The following ITSN1 variants were observed in gnomAD, a reference collection of about 807,000 sequenced individuals.
The protein encoded by ITSN1 is intersectin 1.
ITSN1 carries 58 observed loss-of-function variants against 239.8 expected under a neutral mutation model. The observed-to-expected ratio is 0.24, with a 90% CI of 0.20 to 0.30. The LOEUF is 0.30. Among genes scored for constraint, ITSN1 ranks in the 10% least tolerant of loss-of-function variants. ITSN1 has a pLI of 1.00. For synonymous variants in ITSN1, 780 were observed against 770.8 expected, an observed-to-expected ratio of 1.01 and a Z score of -0.20; for missense variants, 1,558 against 2,103.3, an observed-to-expected ratio of 0.74 and a Z score of 5.07.
At chr21:33,781,434 A>T (rs757346262) in intron 14 of ITSN1, 27 bp from the exon 15 acceptor site, 1 of 1,285,010 alleles carries the variant, frequency 7.8e-7, no homozygotes, top group South Asian at 1.2e-5. Context: ...CCTGTCATTC[A>T]TTACTATTTT....
chr21:33,779,810 C>T (rs1481419630), intron 14 of ITSN1, among the ~76,000 whole-genome samples: 1 of 152,156 alleles, frequency 6.6e-6, no homozygotes, highest in Admixed American at 6.5e-5. Context: ...TTACAAAATG[C>T]ATGCACCTTT....
intron 34 of ITSN1, among the ~76,000 whole-genome samples, chr21:33,877,557 T>C (rs900411197): frequency 1.3e-5 from 2 of 152,140 alleles, no homozygotes; most frequent in Non-Finnish European, 2.9e-5. Flanking sequence ...AACAGAAATG[T>C]TTTATTGCTC....
chr21:33,834,867 T>C (rs1352892114), intron 28 of ITSN1, among the ~76,000 whole-genome samples: 1 of 152,074 alleles, frequency 6.6e-6, no homozygotes, highest in Non-Finnish European at 1.5e-5. Flanking sequence ...AAGACCAAAA[T>C]AGCTCCCCTG....
intron 22 of ITSN1, chr21:33,817,587 C>T: frequency 7.7e-7 from 1 of 1,299,402 alleles, no homozygotes; most frequent in Non-Finnish European, 1.0e-6. Context: ...TGTGAATTAC[C>T]TGCTAGTAAT....
Position 33,882,592 on chromosome 21 carries a change from A to C in ITSN1, c.4554+137A>C. 1.4e-6 allele frequency: 1 copy of C among 697,520 alleles called. No homozygotes were observed. The highest frequency in any genetic ancestry group is 1.9e-5 in the South Asian group (1 of 53,516). 43.2% of individuals were successfully genotyped at this position (697,520 alleles called of 1,614,324 possible). On this transcript the variant is annotated intron_variant, in intron 35 of 39. Coordinates refer to ENST00000381318, the MANE Select transcript of ITSN1 (RefSeq NM_003024.3). This position sits in a 1 kb window ranked among gnomAD's most constrained non-coding sequence, Gnocchi z 4.5. ...AAGGCCAGGAGTTGAAATGCGATTTAGGGTGTCCGGAGTGGAGGACGATCC... is the reference window on the plus strand; with the variant it reads ...AAGGCCAGGAGTTGAAATGCGATTTCGGGTGTCCGGAGTGGAGGACGATCC...
rs958098637 is a variant in ITSN1, at chr21:33,889,822, T to C, written c.*1522T>C. 1 of 152,168 alleles carries C rather than the reference T, an allele frequency of 6.6e-6. No homozygotes were observed. The highest frequency in any genetic ancestry group is 1.5e-5 in the Non-Finnish European group (1 of 68,028). 9.4% of individuals were successfully genotyped at this position (152,168 alleles called of 1,614,324 possible). A position where few individuals can be genotyped will look rare whatever the true frequency, so the allele number is the denominator to read the frequency against. The stretch of plus-strand genomic sequence containing the variant: ...CCTCCTTTGCTGGGAACTGAATGTG[T>C]AGTGTTATCATTTCCCATGAGAGCC... On this transcript the variant is annotated 3_prime_UTR_variant, in exon 40 of 40. Transcript: ENST00000381318.
chr21:33,787,084 C>T (rs970775085), intron 16 of ITSN1, among the ~76,000 whole-genome samples: 3 of 152,124 alleles, frequency 2.0e-5, no homozygotes, highest in African/African-American at 4.8e-5. Flanking sequence ...TATTATTAAT[C>T]GTGGAGTATG....
chr21:33,834,559 C>CA (rs1288369729), intron 28 of ITSN1, 135 bp downstream of exon 28: 3 of 673,532 alleles, frequency 4.5e-6, no homozygotes, highest in Non-Finnish European at 8.0e-6. Flanking sequence ...CTGGGACTGA[C>CA]ACCCAACTAA....
chr21:33,691,424 A>T (rs964726050), intron 1 of ITSN1, among the ~76,000 whole-genome samples: 1 of 152,194 alleles, frequency 6.6e-6, no homozygotes, highest in Non-Finnish European at 1.5e-5. Context: ...AATTACTCTG[A>T]TGCTTGTTAA....
At chr21:33,852,997 A>G (rs1169074559) in intron 29 of ITSN1, among the ~76,000 whole-genome samples, 2 of 152,226 alleles carry the variant, frequency 1.3e-5, no homozygotes, top group Non-Finnish European at 2.9e-5. Flanking sequence ...TTTCAAAGGA[A>G]GAATATTTTT....
At chr21:33,736,547 G>A (rs2066516873) in intron 5 of ITSN1, among the ~76,000 whole-genome samples, 1 of 152,232 alleles carries the variant, frequency 6.6e-6, no homozygotes, top group Non-Finnish European at 1.5e-5. Flanking sequence ...GCCTCCACAT[G>A]ACTGGGGCCG....
chr21:33,740,398 A>G (rs2066771708), intron 5 of ITSN1, among the ~76,000 whole-genome samples: 1 of 152,236 alleles, frequency 6.6e-6, no homozygotes, highest in Non-Finnish European at 1.5e-5. Flanking sequence ...CCAGAAACTG[A>G]GGCTGACAAA....
At position 33,767,765 on chromosome 21, in the gene ITSN1, C is replaced by G. The variant is rs1412126844; in HGVS notation, c.979C>G (p.Gln327Glu). The G allele has an allele frequency of 1.2e-6, 2 of 1,613,170 alleles. No homozygotes were observed. Among genetic ancestry groups the G allele is most frequent in the Non-Finnish European group, 1.7e-6 (2 of 1,179,384 alleles). Residue 327 changes from glutamine (Q) to glutamate (E), a missense_variant, in exon 11 of 40, where the codon CAG (glutamine) becomes GAG (glutamate). Gln to Glu is a conservative substitution (Grantham distance 29). This residue lies in a region of ITSN1 where 982 missense variants were observed against 1,209.9 expected (regional missense o/e 0.81). Coordinates refer to ENST00000381318, the MANE Select transcript of ITSN1 (RefSeq NM_003024.3). ...ISVISSTSVD[Q>E]RLPEEPVLED... ...TGTCATAAGCTCAACATCTGTAGAT[C>G]AGAGGCTACCAGAGGAACCAGTTTT...
At chr21:33,764,648 T>C (rs2068595445) in intron 9 of ITSN1, among the ~76,000 whole-genome samples, 1 of 152,204 alleles carries the variant, frequency 6.6e-6, no homozygotes, top group African/African-American at 2.4e-5. Context: ...CATTCTACTT[T>C]ATGGAAATTA....
intron 1 of ITSN1, among the ~76,000 whole-genome samples, chr21:33,644,898 T>G (rs1235949767): frequency 6.6e-6 from 1 of 151,808 alleles, no homozygotes; most frequent in African/African-American, 2.4e-5. Flanking sequence ...CTTGGCATAC[T>G]GCAGCCTCGA....
intron 9 of ITSN1, among the ~76,000 whole-genome samples, chr21:33,763,338 A>C (rs1021353890): frequency 6.6e-6 from 1 of 151,302 alleles, no homozygotes; most frequent in Non-Finnish European, 1.5e-5. Context: ...GGGATTGTCT[A>C]ATTTGTTTCT....
chr21:33,844,697 C>T (rs183894458), intron 29 of ITSN1, among the ~76,000 whole-genome samples: 1 of 152,108 alleles, frequency 6.6e-6, no homozygotes, highest in Non-Finnish European at 1.5e-5. Flanking sequence ...TTTGTTAGGC[C>T]CCCCAGGAGA....
intron 1 of ITSN1, among the ~76,000 whole-genome samples, chr21:33,694,818 A>AAAAAAAC (rs1180750867): frequency 6.6e-6 from 1 of 152,048 alleles, no homozygotes; most frequent in Non-Finnish European, 1.5e-5. Flanking sequence ...GAGTGTCTCA[A>AAAAAAAC]AAAAAACAAA....
At chr21:33,839,340 G>C (rs2074744682) in intron 29 of ITSN1, among the ~76,000 whole-genome samples, 2 of 152,210 alleles carry the variant, frequency 1.3e-5, no homozygotes, top group African/African-American at 2.4e-5. Context: ...GGCCAGGGGA[G>C]GGTGGCTGCA....
Sources: gnomAD v4.1 joint callset for allele counts (sites outside exome capture counted in the v4.1 genomes callset) on GRCh38, gnomAD v4.1.1 for gene constraint, gnomAD v4.1.1 regional missense constraint, Gnocchi (gnomAD v3.1) non-coding constraint, MANE v1.5 for transcripts, NCBI Gene and HGNC (gene_info 2026-07-23, HGNC 2026-07-21) for gene names.